Variants in IGF2BP2 observed in about 807,000 individuals in gnomAD.
The protein encoded by IGF2BP2 is insulin-like growth factor 2 mRNA-binding protein 2.
IGF2BP2 carries 17 observed loss-of-function variants against 75.8 expected under a neutral mutation model. That is an observed-to-expected ratio of 0.22 (90% CI 0.15 to 0.34). The LOEUF is 0.34. Ranked by LOEUF, IGF2BP2 falls within the 10% of genes least tolerant of loss-of-function variation. The pLI, the probability that IGF2BP2 is intolerant of heterozygous loss-of-function variation, is 1.00. For synonymous variants in IGF2BP2, 288 were observed against 295.6 expected (o/e 0.97, Z 0.26); for missense variants, 516 against 772.4 (o/e 0.67, Z 3.93).
intron 2 of IGF2BP2, among the ~76,000 whole-genome samples, chr3:185,746,739 C>T (rs142117216): frequency 1.4e-3 from 211 of 152,336 alleles, no homozygotes; most frequent in African/African-American, 4.8e-3. Context: ...TTTTATTAAA[C>T]TTCCATTTAA....
chr3:185,816,269 TAAC>T (rs567965459), intron 2 of IGF2BP2, among the ~76,000 whole-genome samples: 20 of 152,066 alleles, frequency 1.3e-4, no homozygotes, highest in African/African-American at 3.6e-4. Flanking sequence ...AAAAGCAACA[TAAC>T]AACAACAACA....
intron 2 of IGF2BP2, chr3:185,713,129 G>A: frequency 3.4e-6 from 1 of 298,400 alleles, no homozygotes; most frequent in South Asian, 3.4e-5. Context: ...GTGTGTGTGT[G>A]TCTTGGTGTA....
intron 2 of IGF2BP2, among the ~76,000 whole-genome samples, chr3:185,813,375 A>G (rs1401737474): frequency 6.6e-6 from 1 of 152,176 alleles, no homozygotes; most frequent in Non-Finnish European, 1.5e-5. Context: ...CAGATCCTTG[A>G]TTTCATCATC....
chr3:185,666,216 C>A (rs1201369117), intron 10 of IGF2BP2, among the ~76,000 whole-genome samples: 1 of 152,166 alleles, frequency 6.6e-6, no homozygotes, highest in Non-Finnish European at 1.5e-5. Context: ...ACAAAAAATT[C>A]AAATAAGTAA....
intron 10 of IGF2BP2, among the ~76,000 whole-genome samples, chr3:185,666,018 ATAG>A (rs1717548597): frequency 6.7e-6 from 1 of 149,010 alleles, no homozygotes; most frequent in Non-Finnish European, 1.5e-5. Context: ...AGATAGATAG[ATAG>A]ATAGATAGAT....
At position 185,650,318 on chromosome 3, in the gene IGF2BP2, C is replaced by CT. The variant is rs202216226; in HGVS notation, c.1462-785dup. On this transcript the variant is annotated intron_variant, in intron 13 of 15. Coordinates refer to ENST00000382199, the MANE Select transcript of IGF2BP2 (RefSeq NM_006548.6). The stretch of plus-strand genomic sequence containing the variant: ...AAAAAGAACCACAGCTTACAATGTT[C>CT]TTTTTTTTTCTTTACTTAAAATACT... 7.7e-3 allele frequency among the ~76,000 whole-genome samples: 1,146 copies of CT among 149,764 alleles called. 11 individuals carry two copies. Among genetic ancestry groups the CT allele is most frequent in the African/African-American group, 0.026 (1,076 of 40,784 alleles).
rs766884002 is a variant in IGF2BP2 at position 185,698,267 on chromosome 3, C to CT, written c.288+31_288+32insA. Reference sequence around the variant, plus strand: ...GGAACTAAAGAAGGGAGAAATGTCTCATCAACCCATTAAAAATTGACACTG... The same window carrying CT: ...GGAACTAAAGAAGGGAGAAATGTCTCTATCAACCCATTAAAAATTGACACTG... On this transcript the variant is annotated intron_variant, in intron 3 of 15. Coordinates refer to ENST00000382199, the MANE Select transcript of IGF2BP2 (RefSeq NM_006548.6). 1.6e-5 allele frequency: 26 copies of CT among 1,589,378 alleles called. No individual in the cohort carries two copies. In the African/African-American group the frequency reaches 3.1e-4, roughly 19 times the overall value.
intron 2 of IGF2BP2, among the ~76,000 whole-genome samples, chr3:185,708,005 G>GTGT (rs1324339796): frequency 6.6e-6 from 1 of 152,180 alleles, no homozygotes; most frequent in African/African-American, 2.4e-5. Context: ...TCTTCACAGC[G>GTGT]TGTTTGGCAT....
At chr3:185,787,159 T>C (rs1736007144) in intron 2 of IGF2BP2, among the ~76,000 whole-genome samples, 1 of 152,152 alleles carries the variant, frequency 6.6e-6, no homozygotes, top group Non-Finnish European at 1.5e-5. Context: ...TACTGTTTAA[T>C]GGGTATAGAG....
At chr3:185,801,203 G>A (rs1455938778) in intron 2 of IGF2BP2, among the ~76,000 whole-genome samples, 1 of 152,072 alleles carries the variant, frequency 6.6e-6, no homozygotes, top group Non-Finnish European at 1.5e-5. Context: ...AAAAAGTCAG[G>A]AAACAGCTGG....
intron 2 of IGF2BP2, chr3:185,717,103 C>T (rs1725754604): frequency 2.1e-5 from 5 of 237,126 alleles, no homozygotes; most frequent in Admixed American, 9.9e-5. Flanking sequence ...GTAAAGGGTC[C>T]TCTCTGTCTC....
intron 2 of IGF2BP2, among the ~76,000 whole-genome samples, chr3:185,731,577 G>T (rs1355253385): frequency 1.3e-5 from 2 of 152,086 alleles, no homozygotes; most frequent in African/African-American, 4.8e-5. Context: ...GGTGACGGAG[G>T]GGAGCCATGC....
intron 2 of IGF2BP2, among the ~76,000 whole-genome samples, chr3:185,793,491 C>CTG (rs147842660): frequency 5.3e-5 from 8 of 151,836 alleles, no homozygotes; most frequent in South Asian, 2.1e-4. Flanking sequence ...ACCTGACAGT[C>CTG]TGTGTGTGTG....
chr3:185,820,139 ATTCAAC>A (rs1741140178), intron 2 of IGF2BP2, among the ~76,000 whole-genome samples: 2 of 151,792 alleles, frequency 1.3e-5, no homozygotes, highest in Admixed American at 1.3e-4. Flanking sequence ...TCACAGAATC[ATTCAAC>A]TTGAGGTACA....
intron 5 of IGF2BP2, among the ~76,000 whole-genome samples, chr3:185,692,339 G>C (rs764563228): frequency 7.2e-5 from 11 of 152,176 alleles, no homozygotes; most frequent in Non-Finnish European, 1.2e-4. Flanking sequence ...GCAGAGTCTA[G>C]GAGACACAGT....
chr3:185,653,503 C>T (rs535906108), intron 12 of IGF2BP2, among the ~76,000 whole-genome samples: 1 of 152,086 alleles, frequency 6.6e-6, no homozygotes, highest in Non-Finnish European at 1.5e-5. Context: ...TGCCTGCAGT[C>T]CCAGCTACTT....
At chr3:185,812,394 G>A (rs1035818005) in intron 2 of IGF2BP2, among the ~76,000 whole-genome samples, 3 of 152,196 alleles carry the variant, frequency 2.0e-5, no homozygotes, top group South Asian at 4.1e-4. Flanking sequence ...TGAAGGGCAC[G>A]CATTCTATGT....
intron 10 of IGF2BP2, among the ~76,000 whole-genome samples, chr3:185,663,834 C>G (rs528045504): frequency 6.6e-6 from 1 of 152,294 alleles, no homozygotes; most frequent in Admixed American, 6.5e-5. Flanking sequence ...ATCCTTGCAT[C>G]CCAGGGATAA....
intron 2 of IGF2BP2, among the ~76,000 whole-genome samples, chr3:185,698,568 G>A (rs767014200): frequency 4.6e-5 from 7 of 151,992 alleles, no homozygotes; most frequent in Admixed American, 1.3e-4. Context: ...TAGGTGGTGC[G>A]GTCTCGGCTC....
Sources: gnomAD v4.1 joint callset for allele counts (sites outside exome capture counted in the v4.1 genomes callset) on GRCh38, gnomAD v4.1.1 for gene constraint, MANE v1.5 for transcripts, NCBI Gene and HGNC (gene_info 2026-07-23, HGNC 2026-07-21) for gene names.